Variants in AKAP19 observed in about 807,000 individuals in gnomAD.
AKAP19 encodes small A-kinase anchoring protein.
the AKAP19 span, among the ~76,000 whole-genome samples, chr2:190,126,297 A>AAAAAAAAAAAAAT: frequency 1.0e-5 from 1 of 99,770 alleles, no homozygotes; most frequent in East Asian, 2.7e-4. Context: ...CTCAAAAAAA[A>AAAAAAAAAAAAAT]AAAAAAAAAA....
At chr2:190,141,299 C>T in the AKAP19 span, among the ~76,000 whole-genome samples, 2 of 152,180 alleles carry the variant, frequency 1.3e-5, no homozygotes, top group Non-Finnish European at 1.5e-5. Flanking sequence ...GTTTCAAAGT[C>T]GCTTCCACAT....
At chr2:190,183,148 CT>C in the AKAP19 span, among the ~76,000 whole-genome samples, 1 of 152,198 alleles carries the variant, frequency 6.6e-6, no homozygotes, top group Non-Finnish European at 1.5e-5. Context: ...GAGTCTGGCC[CT>C]GATACCTATT....
At chr2:190,006,116 C>A in the AKAP19 span, among the ~76,000 whole-genome samples, 10 of 152,160 alleles carry the variant, frequency 6.6e-5, no homozygotes, top group Admixed American at 5.9e-4. Flanking sequence ...ACGAATAACA[C>A]AGTATTCTTA....
the AKAP19 span, among the ~76,000 whole-genome samples, chr2:190,118,420 A>C: frequency 5.3e-5 from 8 of 152,212 alleles, no homozygotes; most frequent in Non-Finnish European, 7.3e-5. Context: ...ACAAAAAAAG[A>C]GAATTTTAGA....
the AKAP19 span, among the ~76,000 whole-genome samples, chr2:190,134,600 C>T: frequency 2.6e-5 from 4 of 150,994 alleles, no homozygotes; most frequent in African/African-American, 4.9e-5. Flanking sequence ...TTAGAAAATT[C>T]TTAAATTTTA....
At chr2:189,957,243 G>C in the AKAP19 span, among the ~76,000 whole-genome samples, 1 of 152,120 alleles carries the variant, frequency 6.6e-6, no homozygotes, top group Non-Finnish European at 1.5e-5. Flanking sequence ...AGAAAGTTTG[G>C]ATGTGAGATG....
chr2:190,133,108 G>C, the AKAP19 span, among the ~76,000 whole-genome samples: 1 of 151,534 alleles, frequency 6.6e-6, no homozygotes, highest in East Asian at 1.9e-4. Context: ...CGTGGTGGCG[G>C]GCGCCTGTAG....
At chr2:189,972,656 G>C in the AKAP19 span, among the ~76,000 whole-genome samples, 33 of 151,790 alleles carry the variant, frequency 2.2e-4, 1 homozygote, top group Non-Finnish European at 4.4e-4. Flanking sequence ...CTTTTATTTC[G>C]TTGAGCAGTG....
the AKAP19 span, among the ~76,000 whole-genome samples, chr2:190,084,021 A>G: frequency 6.6e-6 from 1 of 152,068 alleles, no homozygotes; most frequent in Admixed American, 6.6e-5. Flanking sequence ...CATTAGAGTC[A>G]AATGGTTAAA....
the AKAP19 span, among the ~76,000 whole-genome samples, chr2:190,038,526 C>T: frequency 2.0e-5 from 3 of 152,172 alleles, no homozygotes; most frequent in African/African-American, 7.2e-5. Context: ...GGGCACCATC[C>T]TCAATAATCT....
the AKAP19 span, among the ~76,000 whole-genome samples, chr2:189,991,649 CTG>C: frequency 6.6e-6 from 1 of 152,166 alleles, no homozygotes; most frequent in African/African-American, 2.4e-5. Context: ...CTGTGGTTGT[CTG>C]TTTACTCTGC....
At chr2:189,976,843 G>C in the AKAP19 span, among the ~76,000 whole-genome samples, 1 of 152,162 alleles carries the variant, frequency 6.6e-6, no homozygotes, top group Non-Finnish European at 1.5e-5. Flanking sequence ...GTATTAGGGT[G>C]GGAGTGACCC....
At chr2:190,198,061 C>T in the AKAP19 span, among the ~76,000 whole-genome samples, 2,520 of 152,280 alleles carry the variant, frequency 0.017, 88 homozygotes, top group African/African-American at 0.056. Context: ...ACAAGACAGA[C>T]ACCACACATA....
chr2:190,097,426 C>A, the AKAP19 span, among the ~76,000 whole-genome samples: 1 of 152,168 alleles, frequency 6.6e-6, no homozygotes, highest in Non-Finnish European at 1.5e-5. Flanking sequence ...GCTGGAGTAC[C>A]TGTGGCAGTT....
chr2:190,119,030 C>A, the AKAP19 span, among the ~76,000 whole-genome samples: 1 of 152,304 alleles, frequency 6.6e-6, no homozygotes, highest in Admixed American at 6.5e-5. Context: ...TCTCAGGATA[C>A]AAAATCAATG....
chr2:189,923,837 G>C, the AKAP19 span: 1 of 1,610,614 alleles, frequency 6.2e-7, no homozygotes, highest in South Asian at 1.1e-5. Context: ...TGGACAGCGG[G>C]GATCTTCCAA....
the AKAP19 span, among the ~76,000 whole-genome samples, chr2:189,967,159 C>T: frequency 6.6e-6 from 1 of 152,182 alleles, no homozygotes; most frequent in Non-Finnish European, 1.5e-5. Flanking sequence ...TTTCCTTCCT[C>T]CTCCTATAAA....
the AKAP19 span, among the ~76,000 whole-genome samples, chr2:189,949,521 GA>G: frequency 3.0e-5 from 3 of 101,050 alleles, no homozygotes; most frequent in Non-Finnish European, 4.3e-5. Context: ...AAAAAAAAAG[GA>G]AAAAAGAAAT....
At chr2:190,142,882 G>C in the AKAP19 span, among the ~76,000 whole-genome samples, 1 of 152,142 alleles carries the variant, frequency 6.6e-6, no homozygotes, top group Non-Finnish European at 1.5e-5. Flanking sequence ...GTCCTCAAGA[G>C]AGTCACCCAC....
Sources: gnomAD v4.1 joint callset for allele counts (sites outside exome capture counted in the v4.1 genomes callset) on GRCh38, gnomAD v4.1.1 for gene constraint, MANE v1.5 for transcripts, NCBI Gene and HGNC (gene_info 2026-07-23, HGNC 2026-07-21) for gene names.